WWC2: variants seen among roughly 807,000 people sequenced by gnomAD.
The protein encoded by WWC2 is protein WWC2.
A neutral mutation model predicts 138.5 loss-of-function variants in WWC2; 101 were observed. The ratio of observed to expected loss-of-function variants is 0.73; its 90% CI spans 0.62 to 0.86. WWC2 has a LOEUF of 0.86. Among genes scored for constraint, WWC2 ranks in the 40% least tolerant of loss-of-function variants. The pLI is 0.00. For missense variants in WWC2, 1,420 were observed against 1,419.4 expected (o/e 1.00, Z -0.01); for synonymous variants, 558 against 538.4 (o/e 1.04, Z -0.50).
At chr4:183,254,477 A>C (rs1309232688) in intron 9 of WWC2, among the ~76,000 whole-genome samples, 1 of 152,224 alleles carries the variant, frequency 6.6e-6, no homozygotes, top group Admixed American at 6.5e-5. Flanking sequence ...TGTCAGTTGC[A>C]TCCCTCCCGT....
intron 22 of WWC2, among the ~76,000 whole-genome samples, chr4:183,313,182 G>A (rs1739320337): frequency 6.6e-6 from 1 of 152,170 alleles, no homozygotes; most frequent in African/African-American, 2.4e-5. Flanking sequence ...GCCAAGCTCT[G>A]GCGCATGGGG....
At chr4:183,136,386 C>G (rs1394931279) in intron 1 of WWC2, among the ~76,000 whole-genome samples, 1 of 152,070 alleles carries the variant, frequency 6.6e-6, no homozygotes, top group Non-Finnish European at 1.5e-5. Context: ...TGCTGTGAAA[C>G]TTCTTATTTG....
At chr4:183,174,807 CTCTG>C (rs1271681904) in intron 1 of WWC2, among the ~76,000 whole-genome samples, 3 of 152,194 alleles carry the variant, frequency 2.0e-5, no homozygotes, top group East Asian at 1.9e-4. Context: ...TTCTCTCTCT[CTCTG>C]TCTCTCTCTC....
chr4:183,208,453 T>G (rs1385562026), intron 3 of WWC2, among the ~76,000 whole-genome samples: 1 of 152,218 alleles, frequency 6.6e-6, no homozygotes, highest in Non-Finnish European at 1.5e-5. Flanking sequence ...GCAAGTAGTT[T>G]GGCCCTTTTT....
intron 1 of WWC2, among the ~76,000 whole-genome samples, chr4:183,116,307 T>C (rs888788953): frequency 1.3e-5 from 2 of 152,234 alleles, no homozygotes; most frequent in African/African-American, 4.8e-5. Context: ...CCTTCACATA[T>C]TTATCTCAAG....
intron 1 of WWC2, among the ~76,000 whole-genome samples, chr4:183,119,921 A>G (rs1732547173): frequency 6.6e-6 from 1 of 152,156 alleles, no homozygotes; most frequent in Non-Finnish European, 1.5e-5. Context: ...ATACATCCAT[A>G]GTGATAATTA....
At chr4:183,192,909 G>A (rs1004212885) in intron 1 of WWC2, among the ~76,000 whole-genome samples, 1 of 152,144 alleles carries the variant, frequency 6.6e-6, no homozygotes, top group Non-Finnish European at 1.5e-5. Context: ...TTAGGAAACT[G>A]TGTGGTTTCT....
At chr4:183,164,161 C>G (rs1444873436) in intron 1 of WWC2, among the ~76,000 whole-genome samples, 1 of 150,936 alleles carries the variant, frequency 6.6e-6, no homozygotes, top group East Asian at 1.9e-4. Context: ...GCTCTAATTT[C>G]ATTTAGTAAG....
rs373222973 is a variant in WWC2, at chr4:183,231,216, CAG to C, written c.523-8964_523-8963del. Among the ~76,000 whole-genome samples the C allele has an allele frequency of 7.7e-3, 1,088 of 140,886 alleles. 8 individuals are homozygous for C. The highest frequency in any genetic ancestry group is 0.027 in the African/African-American group (1,025 of 37,888). The allele number at this position is 140,886 out of a possible 152,430, so 92.4% of individuals were successfully genotyped here. ...ATTTGAAAATTATTCACTGTACTAA[CAG>C]AGTGAAGGGAAATTATTATTCCAAC... On this transcript the variant is annotated intron_variant, in intron 4 of 22. Transcript: ENST00000403733.
chr4:183,314,264 G>T (rs1420854413), intron 22 of WWC2, among the ~76,000 whole-genome samples: 1 of 152,162 alleles, frequency 6.6e-6, no homozygotes, highest in Non-Finnish European at 1.5e-5. Context: ...CAGGTGAGGG[G>T]AGCCCATCCA....
chr4:183,128,653 G>A (rs1267657312), intron 1 of WWC2, among the ~76,000 whole-genome samples: 1 of 152,134 alleles, frequency 6.6e-6, no homozygotes, highest in Non-Finnish European at 1.5e-5. Context: ...AGAATTCTAG[G>A]TAGGTAGGGG....
At position 183,121,805 on chromosome 4, in the gene WWC2, C is replaced by A. The variant is rs1177456897; in HGVS notation, c.131+22183C>A. On this transcript the variant is annotated intron_variant, in intron 1 of 22. Transcript: ENST00000403733. ...AGAAGCTTTTTTTTTTTTTTTTTTG[C>A]GACAGAGTCTTGCTCTGTTGCCCAG... 5.8e-5 allele frequency among the ~76,000 whole-genome samples: 6 copies of A among 102,636 alleles called. 1 individual carries two copies. The highest frequency in any genetic ancestry group is 5.0e-4 in the Admixed American group (4 of 8,066). The allele number at this position is 102,636 out of a possible 152,430, so 67.3% of individuals were successfully genotyped here.
chr4:183,159,967 G>A (rs897261856), intron 1 of WWC2, among the ~76,000 whole-genome samples: 3 of 152,026 alleles, frequency 2.0e-5, no homozygotes, highest in Non-Finnish European at 4.4e-5. Flanking sequence ...ATGAAATAAG[G>A]CATTTCTCAC....
intron 1 of WWC2, among the ~76,000 whole-genome samples, chr4:183,100,425 A>G (rs1018113099): frequency 6.6e-6 from 1 of 152,270 alleles, no homozygotes; most frequent in South Asian, 2.1e-4. Flanking sequence ...TATTTTTTTT[A>G]CCCTTAAAAT....
intron 1 of WWC2, among the ~76,000 whole-genome samples, chr4:183,166,208 T>A (rs1734123541): frequency 6.7e-6 from 1 of 149,874 alleles, no homozygotes; most frequent in Admixed American, 6.7e-5. Flanking sequence ...TACTGAAAGC[T>A]TTTTTTTTTC....
rs530602796 is a variant in WWC2 at position 183,316,078 on chromosome 4, G to A, written c.*349G>A. 3 of 202,818 alleles carry A rather than the reference G, an allele frequency of 1.5e-5. No homozygotes were observed. Among genetic ancestry groups the A allele is most frequent in the Non-Finnish European group, 3.0e-5 (3 of 98,924 alleles). 12.6% of individuals were successfully genotyped at this position (202,818 alleles called of 1,614,324 possible). A position where few individuals can be genotyped will look rare whatever the true frequency, so the allele number is the denominator to read the frequency against. On this transcript the variant is annotated 3_prime_UTR_variant, in exon 23 of 23. Coordinates refer to ENST00000403733, the MANE Select transcript of WWC2 (RefSeq NM_024949.6). ...TGAGCCGGCTGTTGAGAAACAACTT[G>A]GTTCAGCCGGTGGTTTTGCTTCTCC...
intron 7 of WWC2, among the ~76,000 whole-genome samples, chr4:183,249,237 A>G (rs1736897852): frequency 6.6e-6 from 1 of 152,216 alleles, no homozygotes; most frequent in African/African-American, 2.4e-5. Flanking sequence ...TTTTAAGACT[A>G]ATAAGAAAAC....
At chr4:183,099,881 C>G (rs573823592) in intron 1 of WWC2, among the ~76,000 whole-genome samples, 54 of 152,324 alleles carry the variant, frequency 3.5e-4, no homozygotes, top group Admixed American at 3.1e-3. Context: ...ACGCCGCGCG[C>G]CAGGCTAACG....
intron 2 of WWC2, among the ~76,000 whole-genome samples, chr4:183,203,120 C>T (rs571083913): frequency 1.8e-4 from 27 of 150,970 alleles, no homozygotes; most frequent in African/African-American, 6.1e-4. Flanking sequence ...CATCTCAGTT[C>T]TTTTTTCCAG....
Sources: allele counts gnomAD v4.1 joint callset (sites outside exome capture counted in the v4.1 genomes callset), GRCh38; gene constraint gnomAD v4.1.1; transcripts MANE v1.5; gene names NCBI Gene and HGNC (gene_info 2026-07-23, HGNC 2026-07-21).